EPHX3: variants seen among roughly 807,000 people sequenced by gnomAD.
EPHX3 encodes the protein epoxide hydrolase 3.
In EPHX3, 39 loss-of-function variants were observed where a neutral mutation model predicts 40.2. That is an observed-to-expected ratio of 0.97 (90% CI 0.75 to 1.27). The LOEUF (loss-of-function observed/expected upper bound fraction) is 1.27, where lower values mean the gene tolerates loss of function less well. EPHX3 is among the 50% of genes most tolerant of loss of function. The probability of loss-of-function intolerance (pLI) is 0.00; values close to 1 mark genes in which losing one functional copy is unlikely to be tolerated. For missense variants in EPHX3, 442 were observed against 474.0 expected (o/e 0.93, Z 0.63); for synonymous variants, 213 against 209.7 (o/e 1.02, Z -0.14).
At chr19:15,235,100 C>G (rs1461528160), upstream of EPHX3, among the ~76,000 whole-genome samples, 1 of 151,986 alleles carries the variant, frequency 6.6e-6, no homozygotes, top group Non-Finnish European at 1.5e-5. Context: ...CTCCAGTGTT[C>G]AAGCAATTCT....
chr19:15,233,915 C>G (rs2047172592), upstream of EPHX3, among the ~76,000 whole-genome samples: 1 of 152,122 alleles, frequency 6.6e-6, no homozygotes, highest in Non-Finnish European at 1.5e-5. Context: ...AAAAAATTAG[C>G]CAGGCGTGGT....
upstream of EPHX3, among the ~76,000 whole-genome samples, chr19:15,234,709 C>T (rs2047178899): frequency 6.6e-6 from 1 of 152,224 alleles, no homozygotes; most frequent in Non-Finnish European, 1.5e-5. Context: ...TAAAAACACT[C>T]CACTTGTCAC....
At chr19:15,234,282 T>C (rs151154699), upstream of EPHX3, among the ~76,000 whole-genome samples, 20 of 152,222 alleles carry the variant, frequency 1.3e-4, no homozygotes, top group East Asian at 3.7e-3. Flanking sequence ...CGCAAAGATG[T>C]AGGGAAAAAG....
At chr19:15,230,462 C>G (rs141406939) in intron 4 of EPHX3, among the ~76,000 whole-genome samples, 1 of 151,994 alleles carries the variant, frequency 6.6e-6, no homozygotes, top group South Asian at 2.1e-4. Context: ...GGAGCCACCA[C>G]GCCTGGCCAT....
chr19:15,231,359 G>C lies in EPHX3; in HGVS notation c.367C>G (p.Arg123Gly). 2 of 1,613,894 alleles carry C rather than the reference G, an allele frequency of 1.2e-6. No individual in the cohort carries two copies. Among genetic ancestry groups the C allele is most frequent in the Non-Finnish European group, 1.7e-6 (2 of 1,180,018 alleles). ...WRYQLREFQS[R>G]FHVVAVDLRG... ...AAGTCCACAGCCACAACATGGAAGCGGCTCTGGAACTCCCGGAGCTGGTAA... is the reference window on the plus strand; with the variant it reads ...AAGTCCACAGCCACAACATGGAAGCCGCTCTGGAACTCCCGGAGCTGGTAA... Residue 123 changes from arginine to glycine, a missense_variant, in exon 3 of 7, where the codon CGC becomes GGC. Physicochemically the swap from Arg to Gly is moderately radical, Grantham distance 125. Transcript: ENST00000221730.
intron 4 of EPHX3, 63 bp from the exon 5 acceptor site, chr19:15,228,163 C>T: frequency 2.4e-6 from 3 of 1,261,178 alleles, no homozygotes; most frequent in Non-Finnish European, 3.3e-6. Context: ...CATACACCTG[C>T]ACCCCTACAC....
In EPHX3 at chr19:15,230,993, C is replaced by T; in HGVS notation, c.585G>A (p.Val195=). Residue 195 remains valine, a synonymous_variant, in exon 4 of 7, where the codon GTG becomes GTA. Transcript: ENST00000221730. The stretch of plus-strand genomic sequence containing the variant: ...ACACCGACATGGGGGCACCACTGAC[C>T]ACAACCATCCGCTCGACCAGGGATG... ...YYPSLVERMV[V]VSGAPMSVYQ... 6.2e-7 allele frequency: 1 copy of T among 1,614,062 alleles called. No homozygotes were observed. Among genetic ancestry groups the T allele is most frequent in the Admixed American group, 1.7e-5 (1 of 60,008 alleles).
At chr19:15,228,950 C>G (rs1333460724) in intron 4 of EPHX3, among the ~76,000 whole-genome samples, 2 of 151,106 alleles carry the variant, frequency 1.3e-5, no homozygotes, top group Non-Finnish European at 3.0e-5. Context: ...GCAATTACAG[C>G]ACTGCACTCC....
In EPHX3 at chr19:15,228,011, TAGAC is replaced by T. The variant is rs1404580403; in HGVS notation, c.702_705del (p.Ser235CysfsTer7). 4.3e-6 allele frequency: 7 copies of T among 1,612,448 alleles called. No homozygotes were observed. Among genetic ancestry groups the T allele is most frequent in the Middle Eastern group, 3.3e-4 (2 of 6,056 alleles). On this transcript the variant is annotated frameshift_variant, in exon 5 of 7. Transcript: ENST00000221730. LOFTEE classifies it high-confidence loss of function. ...ACCCTCTGTACCTGAAAGTCAGACA[TAGAC>T]AGCAGCTTCTCGGGCAGCCAGGGCA...
chr19:15,230,741 C>A (rs2047147605), intron 4 of EPHX3, among the ~76,000 whole-genome samples: 1 of 151,608 alleles, frequency 6.6e-6, no homozygotes, highest in African/African-American at 2.4e-5. Flanking sequence ...GATCCTCCCA[C>A]CTCAGCCTCC....
upstream of EPHX3, among the ~76,000 whole-genome samples, chr19:15,234,672 GTTTT>G (rs893615002): frequency 3.9e-5 from 6 of 152,126 alleles, no homozygotes; most frequent in African/African-American, 9.7e-5. Context: ...CGGACGTGCC[GTTTT>G]TTGTTTCCCT....
Position 15,227,017 on chromosome 19 carries a change from C to T in EPHX3, c.*420G>A, listed in dbSNP as rs572412654. 4.2e-6 allele frequency: 1 copy of T among 235,812 alleles called. No homozygotes were observed. The highest frequency in any genetic ancestry group is 2.2e-5 in the African/African-American group (1 of 44,814). The allele number at this position is 235,812 out of a possible 1,614,324, so 14.6% of individuals were successfully genotyped here. ...GTCAGCAGTATTGTATTCAGAGTAG[C>T]ACTGAGCTGAAGACCCAGGCAGGAG... is the stretch of plus-strand genomic sequence containing the variant. On this transcript the variant is annotated 3_prime_UTR_variant, in exon 7 of 7. Coordinates refer to ENST00000221730, the MANE Select transcript of EPHX3 (RefSeq NM_024794.3).
rs369111109 is a variant in EPHX3 at position 15,227,514 on chromosome 19, C to G, written c.1006G>C (p.Gly336Arg). The G allele has an allele frequency of 6.2e-7, 1 of 1,614,146 alleles. No homozygotes were observed. Among genetic ancestry groups the G allele is most frequent in the African/African-American group, 1.3e-5 (1 of 75,046 alleles). ...RLEAHILPGI[G>R]HWIPQSNPQE... is the part of the protein sequence containing the mutation. ...GGGTTGCTCTGTGGGATCCAATGCC[C>G]TATGCCTGGCAGGATGTGGGCCTCC... The change falls in exon 7 of 7, where the codon GGG becomes CGG. Residue 336 changes from glycine to arginine, a missense_variant. Transcript: ENST00000221730.
upstream of EPHX3, chr19:15,236,075 C>T (rs894039704): frequency 6.6e-6 from 1 of 152,016 alleles, no homozygotes; most frequent in South Asian, 2.1e-4. Flanking sequence ...GTGGGGGGAC[C>T]TCTGGCTGGA....
At chr19:15,227,703 A>C (rs771084418) in intron 6 of EPHX3, 41 bp from the exon 7 acceptor site, 1 of 1,610,774 alleles carries the variant, frequency 6.2e-7, no homozygotes, top group Admixed American at 1.7e-5. Flanking sequence ...GACAGGCAGA[A>C]GGATGGTTGC....
Position 15,229,885 on chromosome 19 carries a change from C to CAAAAAAAAAAAAAAA in EPHX3, c.616+1062_616+1076dup, listed in dbSNP as rs546876108. ...CTGGCGACAGAGCAAGACTCTGTCT[C>CAAAAAAAAAAAAAAA]AAAAAAAAAAAAAAAAAAAAAAAAA... On this transcript the variant is annotated intron_variant, in intron 4 of 6. Transcript: ENST00000221730. Among the ~76,000 whole-genome samples the CAAAAAAAAAAAAAAA allele has an allele frequency of 9.1e-3, 85 of 9,346 alleles. 5 individuals are homozygous for CAAAAAAAAAAAAAAA. Among genetic ancestry groups the CAAAAAAAAAAAAAAA allele is most frequent in the South Asian group, 0.011 (2 of 182 alleles). 6.1% of individuals were successfully genotyped at this position (9,346 alleles called of 152,430 possible). A position where few individuals can be genotyped will look rare whatever the true frequency, so the allele number is the denominator to read the frequency against.
chr19:15,232,359 C>CGGG lies in EPHX3; in HGVS notation c.-151_-149dup. 1 of 1,373,220 alleles carries CGGG rather than the reference C, an allele frequency of 7.3e-7. No individual in the cohort carries two copies. Among genetic ancestry groups the CGGG allele is most frequent in the African/African-American group, 1.5e-5 (1 of 64,980 alleles). The allele number at this position is 1,373,220 out of a possible 1,614,324, so 85.1% of individuals were successfully genotyped here. On this transcript the variant is annotated 5_prime_UTR_variant, in exon 1 of 7. Transcript: ENST00000221730. ...TTGTGGGACGCGCTGAAGGAAGAGG[C>CGGG]GGGCGGCTCCGACAGAAAACAGCCA...
At chr19:15,235,363 GAT>G (rs1209180907), upstream of EPHX3, among the ~76,000 whole-genome samples, 1 of 151,782 alleles carries the variant, frequency 6.6e-6, no homozygotes, top group Non-Finnish European at 1.5e-5. Flanking sequence ...ATGTTCCCAG[GAT>G]CTCTCCCAAC....
chr19:15,236,094 C>CCAG (rs1293343837), upstream of EPHX3: 3 of 152,162 alleles, frequency 2.0e-5, no homozygotes, highest in East Asian at 5.8e-4. Context: ...GATGCCTGAA[C>CCAG]CACACCCTCA....
Sources: gnomAD v4.1 joint callset for allele counts (sites outside exome capture counted in the v4.1 genomes callset) on GRCh38, gnomAD v4.1.1 for gene constraint, MANE v1.5 for transcripts, NCBI Gene and HGNC (gene_info 2026-07-23, HGNC 2026-07-21) for gene names.